Variants in SPTBN1 observed in about 807,000 individuals in gnomAD.
The protein encoded by SPTBN1 is spectrin beta chain, non-erythrocytic 1.
In SPTBN1, 32 loss-of-function variants were observed where a neutral mutation model predicts 266.4. The ratio of observed to expected loss-of-function variants is 0.12; its 90% CI spans 0.09 to 0.16. The LOEUF is 0.16. Among genes scored for constraint, SPTBN1 ranks in the 10% least tolerant of loss-of-function variants. The pLI is 1.00. For missense variants in SPTBN1, 2,296 were observed against 3,067.1 expected, an observed-to-expected ratio of 0.75 and a Z score of 5.94; for synonymous variants, 1,336 against 1,162.2, an observed-to-expected ratio of 1.15 and a Z score of -3.04.
At chr2:54,617,057 T>A (rs530810931) in intron 5 of SPTBN1, among the ~76,000 whole-genome samples, 4 of 152,330 alleles carry the variant, frequency 2.6e-5, no homozygotes, top group Non-Finnish European at 5.9e-5. Context: ...TGATATAAAG[T>A]TATTAATAGT....
At position 54,558,227 on chromosome 2, in the gene SPTBN1, G is replaced by A. The variant is rs971611261; in HGVS notation, c.148+31661G>A. ...GGCGACCGCGGACCGTGCGGGACCG[G>A]TAGGGGGTCGCGGGCCGGCTAGGCT... On this transcript the variant is annotated intron_variant, in intron 2 of 35. Transcript: ENST00000356805. This position sits in a 1 kb window ranked among gnomAD's most constrained non-coding sequence, Gnocchi z 4.6. 23 of 985,258 alleles carry A rather than the reference G, an allele frequency of 2.3e-5. No individual in the cohort carries two copies. Among genetic ancestry groups the A allele is most frequent in the African/African-American group, 3.5e-5 (2 of 57,250 alleles). 61.0% of individuals were successfully genotyped at this position (985,258 alleles called of 1,614,324 possible). A position where few individuals can be genotyped will look rare whatever the true frequency, so the allele number is the denominator to read the frequency against.
At chr2:54,568,874 CTCT>C (rs893403448) in intron 2 of SPTBN1, among the ~76,000 whole-genome samples, 9 of 152,164 alleles carry the variant, frequency 5.9e-5, no homozygotes, top group Admixed American at 4.6e-4. Flanking sequence ...AGCACAAATA[CTCT>C]TCTTCAGCCA....
In SPTBN1 at chr2:54,645,172, C is replaced by T; in HGVS notation, c.4270-57C>T. On this transcript the variant is annotated intron_variant, in intron 20 of 35. Coordinates refer to ENST00000356805, the MANE Select transcript of SPTBN1 (RefSeq NM_003128.3). The surrounding 1 kb of genome is among the most constrained non-coding windows in gnomAD (Gnocchi z 4.3). ...CCAGGCCCAGCAGTTCTGCTTAGAG[C>T]CAGTCACTGCAAAAGATAGTCTGTG... The T allele has an allele frequency of 6.3e-7, 1 of 1,580,470 alleles. No individual in the cohort carries two copies. Among genetic ancestry groups the T allele is most frequent in the Non-Finnish European group, 8.7e-7 (1 of 1,152,100 alleles).
At chr2:54,541,534 C>T (rs1035008273) in intron 2 of SPTBN1, among the ~76,000 whole-genome samples, 2 of 152,184 alleles carry the variant, frequency 1.3e-5, no homozygotes, top group African/African-American at 4.8e-5. Flanking sequence ...TTTAATCAGT[C>T]GTAATCTTCA....
chr2:54,641,231 C>G (rs923904408), intron 18 of SPTBN1, among the ~76,000 whole-genome samples: 2 of 152,180 alleles, frequency 1.3e-5, no homozygotes, highest in Non-Finnish European at 2.9e-5. Flanking sequence ...GATGCTTTAT[C>G]TGTAGGATGA....
At chr2:54,631,771 A>T (rs1341478876) in intron 16 of SPTBN1, among the ~76,000 whole-genome samples, 160 bp downstream of exon 16, 2 of 152,208 alleles carry the variant, frequency 1.3e-5, no homozygotes, top group Non-Finnish European at 2.9e-5. Context: ...AAGGCATTGA[A>T]ATCCATCACG....
chr2:54,602,804 T>G (rs531668362), intron 3 of SPTBN1, among the ~76,000 whole-genome samples: 1 of 152,324 alleles, frequency 6.6e-6, no homozygotes, highest in South Asian at 2.1e-4. Flanking sequence ...AAGATAGATT[T>G]AACATGAGAT....
At chr2:54,512,054 G>C (rs147307768) in intron 1 of SPTBN1, among the ~76,000 whole-genome samples, 1 of 152,210 alleles carries the variant, frequency 6.6e-6, no homozygotes, top group East Asian at 1.9e-4. Context: ...GCAGTTCACA[G>C]TAGGGTTTGC....
At position 54,484,919 on chromosome 2, in the gene SPTBN1, G is replaced by A. The variant is rs538875413; in HGVS notation, c.-48+28401G>A. Among the ~76,000 whole-genome samples, 70 of 151,306 alleles carry A rather than the reference G, an allele frequency of 4.6e-4. 1 individual carries two copies. Among genetic ancestry groups the A allele is most frequent in the South Asian group, 1.9e-3 (9 of 4,760 alleles). ...AAACTTCCTGATATAGTATGTCAGC[G>A]CTATAAAGAAGTTCTTGAGTGTCGT... On this transcript the variant is annotated intron_variant, in intron 1 of 35. Transcript: ENST00000356805.
In SPTBN1 at chr2:54,655,207, A is replaced by C; in HGVS notation, c.5960A>C (p.Glu1987Ala). 1 of 1,611,366 alleles carries C rather than the reference A, an allele frequency of 6.2e-7. No individual in the cohort carries two copies. The highest frequency in any genetic ancestry group is 1.3e-5 in the African/African-American group (1 of 74,974). Residue 1987 changes from glutamate to alanine, a missense_variant and splice_region_variant, in exon 28 of 36, where the codon GAG becomes GCG. Glu to Ala is a moderately radical substitution (Grantham distance 107). Around this residue, in one of 12 missense-constraint regions of SPTBN1, gnomAD observed 644 missense variants for 745.3 expected, o/e 0.86. Coordinates refer to ENST00000356805, the MANE Select transcript of SPTBN1 (RefSeq NM_003128.3). The part of the protein sequence containing the change: ...LLARKHYASE[E>A]IKEKLLQLTE... ...GCGAGAAAACACTATGCATCTGAGG[A>C]GGTAGGTTGCTACTTTGCTTTGGAG...
chr2:54,593,994 G>T (rs1163604158), intron 2 of SPTBN1, among the ~76,000 whole-genome samples: 1 of 151,630 alleles, frequency 6.6e-6, no homozygotes, highest in South Asian at 2.1e-4. Flanking sequence ...CACCATGCCC[G>T]GCTAATTTTT....
intron 1 of SPTBN1, among the ~76,000 whole-genome samples, chr2:54,461,371 G>T (rs72618659): frequency 0.33 from 50,520 of 151,910 alleles, 8,615 homozygotes; most frequent in East Asian, 0.52. Context: ...TTGATTCCAG[G>T]TTTTTTTGCT....
Position 54,644,338 on chromosome 2 carries a change from A to G in SPTBN1, c.4021A>G (p.Ile1341Val). 1.2e-6 allele frequency: 2 copies of G among 1,609,528 alleles called. No homozygotes were observed. The highest frequency in any genetic ancestry group is 2.2e-5 in the South Asian group (2 of 90,996). The change falls in exon 20 of 36, where the codon ATT becomes GTT. Residue 1341 changes from isoleucine to valine, a missense_variant. Ile to Val is a conservative substitution (Grantham distance 29). This residue lies in a region of SPTBN1 where 386 missense variants were observed against 486.1 expected (regional missense o/e 0.79). Transcript: ENST00000356805. ...TGTTTTCCAGGAAGGAATGCAGCTC[A>G]TTTCAGAAAAGCCTGAGACGGAAGC... ...DKIEKEGMQLISEKPETEAVV... is the reference protein window; with the variant it reads ...DKIEKEGMQLVSEKPETEAVV...
chr2:54,495,013 CAG>C (rs1481509655), intron 1 of SPTBN1, among the ~76,000 whole-genome samples: 5 of 151,902 alleles, frequency 3.3e-5, no homozygotes, highest in East Asian at 1.9e-4. Context: ...CAGTCAAGAA[CAG>C]GGGCAGAAGT....
At position 54,664,242 on chromosome 2, in the gene SPTBN1, C is replaced by T; in HGVS notation, c.6421-211C>T. 1 of 563,752 alleles carries T rather than the reference C, an allele frequency of 1.8e-6. No individual in the cohort carries two copies. The highest frequency in any genetic ancestry group is 2.9e-5 in the South Asian group (1 of 34,600). The allele number at this position is 563,752 out of a possible 1,614,324, so 34.9% of individuals were successfully genotyped here. On this transcript the variant is annotated intron_variant, in intron 32 of 35. Coordinates refer to ENST00000356805, the MANE Select transcript of SPTBN1 (RefSeq NM_003128.3). The surrounding 1 kb of genome is among the most constrained non-coding windows in gnomAD (Gnocchi z 5.6). The stretch of plus-strand genomic sequence containing the variant: ...ACTCATACTGGCATTTCGCTTTTCT[C>T]ATTTCCCTGTAAATGGGCGGGTATT...
chr2:54,484,578 C>T (rs141018906), intron 1 of SPTBN1, among the ~76,000 whole-genome samples: 37 of 152,322 alleles, frequency 2.4e-4, no homozygotes, highest in African/African-American at 7.7e-4. Flanking sequence ...GGAAAGCCAG[C>T]GTTGATGACA....
In SPTBN1 at chr2:54,660,512, G is replaced by T. The variant is rs142132470; in HGVS notation, c.6420+513G>T. 8.1e-6 allele frequency: 8 copies of T among 986,472 alleles called. No homozygotes were observed. The African/African-American group carries it at 1.2e-4, about 15-fold the overall frequency. The allele number at this position is 986,472 out of a possible 1,614,324, so 61.1% of individuals were successfully genotyped here. A position where few individuals can be genotyped will look rare whatever the true frequency, so the allele number is the denominator to read the frequency against. On this transcript the variant is annotated intron_variant, in intron 32 of 35. Transcript: ENST00000356805. The stretch of plus-strand genomic sequence containing the variant: ...AGTTTACTATTAACTAGGAAGACTG[G>T]TGTATGAGGAGGGAGACATTCTGTA...
intron 1 of SPTBN1, among the ~76,000 whole-genome samples, chr2:54,498,497 C>T (rs1403183560): frequency 6.6e-6 from 1 of 152,110 alleles, no homozygotes; most frequent in Non-Finnish European, 1.5e-5. Context: ...ACAGTTTTCT[C>T]ATTTGTAAAG....
intron 1 of SPTBN1, among the ~76,000 whole-genome samples, chr2:54,470,323 T>C (rs1424021918): frequency 6.6e-6 from 1 of 152,248 alleles, no homozygotes; most frequent in African/African-American, 2.4e-5. Context: ...TTATAGTATG[T>C]ATTTTCACTG....
Sources: gnomAD v4.1 joint callset for allele counts (sites outside exome capture counted in the v4.1 genomes callset) on GRCh38, gnomAD v4.1.1 for gene constraint, gnomAD v4.1.1 regional missense constraint, Gnocchi (gnomAD v3.1) non-coding constraint, MANE v1.5 for transcripts, NCBI Gene and HGNC (gene_info 2026-07-23, HGNC 2026-07-21) for gene names.